Variants in MCC observed in about 807,000 individuals in gnomAD.
MCC encodes colorectal mutant cancer protein.
MCC carries 90 observed loss-of-function variants against 116.2 expected under a neutral mutation model. That is an observed-to-expected ratio of 0.77 (90% CI 0.65 to 0.92). The LOEUF (loss-of-function observed/expected upper bound fraction) is 0.92, where lower values mean the gene tolerates loss of function less well. MCC is among the 40% of genes least tolerant of loss of function. MCC has a pLI of 0.00. For synonymous variants in MCC, 578 were observed against 510.5 expected (o/e 1.13, Z -1.78); for missense variants, 1,516 against 1,312.2 (o/e 1.16, Z -2.40).
At chr5:113,358,436 T>C (rs1167655291) in intron 2 of MCC, among the ~76,000 whole-genome samples, 2 of 152,198 alleles carry the variant, frequency 1.3e-5, no homozygotes, top group Admixed American at 6.5e-5. Flanking sequence ...TTAGCTTCTT[T>C]TCCATCCTTC....
intron 4 of MCC, among the ~76,000 whole-genome samples, chr5:113,146,904 A>AAAGCC (rs1759558275): frequency 6.6e-6 from 1 of 152,232 alleles, no homozygotes; most frequent in African/African-American, 2.4e-5. Flanking sequence ...ACAGTACCAC[A>AAAGCC]AAGCCAGAAA....
intron 3 of MCC, among the ~76,000 whole-genome samples, chr5:113,202,558 C>T (rs968942638): frequency 2.6e-5 from 4 of 152,132 alleles, no homozygotes; most frequent in South Asian, 2.1e-4. Context: ...TCAGATACGC[C>T]GACAGTGTAT....
chr5:113,250,469 C>T (rs1367525462), intron 3 of MCC, among the ~76,000 whole-genome samples: 1 of 152,184 alleles, frequency 6.6e-6, no homozygotes, highest in African/African-American at 2.4e-5. Flanking sequence ...AGTCATCATC[C>T]CAGTGCAGCC....
intron 1 of MCC, among the ~76,000 whole-genome samples, chr5:113,395,706 A>G (rs1413726391): frequency 6.6e-6 from 1 of 152,162 alleles, no homozygotes; most frequent in African/African-American, 2.4e-5. Context: ...ATTGATTGAG[A>G]CCTGTCTCAG....
chr5:113,315,569 T>TA (rs924033862), intron 3 of MCC, among the ~76,000 whole-genome samples: 9 of 151,840 alleles, frequency 5.9e-5, no homozygotes, highest in East Asian at 3.9e-4. Context: ...TGCTCCTTTT[T>TA]AAAAAAAATG....
chr5:113,352,630 A>G (rs916954601), intron 2 of MCC, among the ~76,000 whole-genome samples: 1 of 152,102 alleles, frequency 6.6e-6, no homozygotes, highest in African/African-American at 2.4e-5. Flanking sequence ...GAAGCATTCA[A>G]ATTATTTCCT....
chr5:113,469,545 A>G (rs1772017840), intron 1 of MCC, among the ~76,000 whole-genome samples: 1 of 152,116 alleles, frequency 6.6e-6, no homozygotes, highest in South Asian at 2.1e-4. Context: ...GTGGTCTGAG[A>G]GACAGTTTGT....
At chr5:113,346,612 AAACAACAAC>A (rs142810210) in intron 2 of MCC, among the ~76,000 whole-genome samples, 7 of 127,534 alleles carry the variant, frequency 5.5e-5, no homozygotes, top group African/African-American at 1.6e-4. Flanking sequence ...AAAAACAAAC[AAACAACAAC>A]AACAACAACA....
At chr5:113,357,622 G>A (rs567062328) in intron 2 of MCC, among the ~76,000 whole-genome samples, 49 of 152,320 alleles carry the variant, frequency 3.2e-4, no homozygotes, top group African/African-American at 8.9e-4. Context: ...TAAGATCTCA[G>A]GAGTTGGGGC....
At chr5:113,069,866 G>A (rs567745181) in intron 12 of MCC, among the ~76,000 whole-genome samples, 41 of 152,216 alleles carry the variant, frequency 2.7e-4, no homozygotes, top group Non-Finnish European at 4.7e-4. Flanking sequence ...GATTCCAGGC[G>A]TGAGCCACCG....
intron 6 of MCC, among the ~76,000 whole-genome samples, chr5:113,119,733 G>T (rs1757625593): frequency 6.6e-6 from 1 of 152,164 alleles, no homozygotes; most frequent in Admixed American, 6.5e-5. Context: ...TGTGGGCAGA[G>T]AACATGTGTC....
At chr5:113,056,050 A>G (rs1302007528) in intron 14 of MCC, among the ~76,000 whole-genome samples, 1 of 152,242 alleles carries the variant, frequency 6.6e-6, no homozygotes, top group Non-Finnish European at 1.5e-5. Context: ...GCGATTTACT[A>G]GAATCTATAT....
At chr5:113,195,118 C>G (rs1208357942) in intron 3 of MCC, among the ~76,000 whole-genome samples, 1 of 152,194 alleles carries the variant, frequency 6.6e-6, no homozygotes, top group African/African-American at 2.4e-5. Context: ...TTGAAGGGAA[C>G]AGTAAAGGAA....
intron 5 of MCC, among the ~76,000 whole-genome samples, chr5:113,135,305 AG>A (rs1758745732): frequency 6.7e-6 from 1 of 148,206 alleles, no homozygotes. Context: ...CTGTAATCCC[AG>A]CACTTTGGGA....
intron 1 of MCC, among the ~76,000 whole-genome samples, chr5:113,416,717 T>C (rs1770161391): frequency 6.6e-6 from 1 of 151,676 alleles, no homozygotes. Context: ...AGGAGAGAAA[T>C]ATACTTTCCA....
chr5:113,038,465 G>A (rs747274998), intron 17 of MCC, among the ~76,000 whole-genome samples: 10 of 152,118 alleles, frequency 6.6e-5, no homozygotes, highest in Admixed American at 2.6e-4. Context: ...AATGTTCCAT[G>A]GGAGAAGGAA....
chr5:113,111,711 C>G (rs946005780), intron 6 of MCC, among the ~76,000 whole-genome samples: 1 of 152,154 alleles, frequency 6.6e-6, no homozygotes, highest in Middle Eastern at 3.2e-3. Flanking sequence ...TATCGTTACA[C>G]GTCATTTCAT....
intron 3 of MCC, among the ~76,000 whole-genome samples, chr5:113,247,538 T>C (rs1007228418): frequency 6.6e-6 from 1 of 152,122 alleles, no homozygotes; most frequent in African/African-American, 2.4e-5. Flanking sequence ...GAAGTTTTAG[T>C]AGAAATAAAA....
chr5:113,303,390 C>A (rs1198733508), intron 3 of MCC, among the ~76,000 whole-genome samples: 1 of 152,192 alleles, frequency 6.6e-6, no homozygotes, highest in African/African-American at 2.4e-5. Context: ...TTAATTGCAG[C>A]TTACAGATTT....
Sources: gnomAD v4.1 joint callset for allele counts (sites outside exome capture counted in the v4.1 genomes callset) on GRCh38, gnomAD v4.1.1 for gene constraint, MANE v1.5 for transcripts, NCBI Gene and HGNC (gene_info 2026-07-23, HGNC 2026-07-21) for gene names.